The following NHSL1 variants were observed in gnomAD, a reference collection of about 807,000 sequenced individuals.
NHSL1 encodes the protein NHS like 1, also known as NHS-like protein 1.
In NHSL1, 48 loss-of-function variants were observed where a neutral mutation model predicts 95.0. The ratio of observed to expected loss-of-function variants is 0.51; its 90% CI spans 0.40 to 0.64. The LOEUF (loss-of-function observed/expected upper bound fraction) is 0.64. Ranked by LOEUF, NHSL1 falls within the 30% of genes least tolerant of loss-of-function variation. The pLI, the probability that NHSL1 is intolerant of heterozygous loss-of-function variation, is 0.00. For missense variants in NHSL1, 1,971 were observed against 2,077.7 expected, an observed-to-expected ratio of 0.95 and a Z score of 1.00; for synonymous variants, 783 against 833.9, an observed-to-expected ratio of 0.94 and a Z score of 1.05.
chr6:138,574,434 C>CT (rs539277371), upstream of NHSL1, among the ~76,000 whole-genome samples: 65 of 152,212 alleles, frequency 4.3e-4, no homozygotes, highest in East Asian at 7.1e-3. Context: ...ACGAGACCCC[C>CT]GCCACACATC....
chr6:138,576,239 G>A (rs1001980024), upstream of NHSL1, among the ~76,000 whole-genome samples: 2 of 151,946 alleles, frequency 1.3e-5, no homozygotes, highest in Non-Finnish European at 2.9e-5. Context: ...TGATCTGCCC[G>A]CCTCAGCCTC....
chr6:138,501,461 C>T (rs762987906), upstream of NHSL1, among the ~76,000 whole-genome samples: 37 of 152,098 alleles, frequency 2.4e-4, no homozygotes, highest in Admixed American at 1.4e-3. Context: ...GCTGCAGCAT[C>T]GTAGGAGTCA....
upstream of NHSL1, among the ~76,000 whole-genome samples, chr6:138,499,747 C>T (rs1583310361): frequency 6.6e-6 from 1 of 152,280 alleles, no homozygotes; most frequent in Admixed American, 6.5e-5. Flanking sequence ...TCATTAGGCC[C>T]CTATGAACAC....
At chr6:138,615,921 C>T (rs574524819) in intron 1 of NHSL1, among the ~76,000 whole-genome samples, 63 of 152,302 alleles carry the variant, frequency 4.1e-4, no homozygotes, top group African/African-American at 1.5e-3. Flanking sequence ...ACTCCCCAGG[C>T]GCTTATGTCT....
intron 1 of NHSL1, among the ~76,000 whole-genome samples, chr6:138,638,246 G>A (rs1480275508): frequency 6.6e-6 from 1 of 152,068 alleles, no homozygotes; most frequent in African/African-American, 2.4e-5. Context: ...TGGTTAATAG[G>A]TATAAAAAAA....
intron 4 of NHSL1, among the ~76,000 whole-genome samples, chr6:138,446,068 C>G (rs1467144688): frequency 5.5e-5 from 8 of 146,342 alleles, no homozygotes; most frequent in Non-Finnish European, 9.0e-5. Flanking sequence ...AAGTTTTGCT[C>G]CTTTTTGCCC....
Position 138,431,524 on chromosome 6 carries a change from G to A in NHSL1, c.2821C>T (p.Pro941Ser). The A allele has an allele frequency of 6.4e-7, 1 of 1,551,056 alleles. No individual in the cohort carries two copies. The highest frequency in any genetic ancestry group is 8.7e-7 in the Non-Finnish European group (1 of 1,146,654). Reference sequence around the variant, plus strand: ...AAAGGAGACCTGTCTGCAGGACAAGGGAATGGAGGAGAGGGAACAGGAGGA... The same window carrying A: ...AAAGGAGACCTGTCTGCAGGACAAGAGAATGGAGGAGAGGGAACAGGAGGA... ...PPPPVPSPPF[P>S]CPADRSPFLP... Residue 941 changes from proline to serine, a missense_variant, in exon 6 of 8, where the codon CCT (proline) becomes TCT (serine). Physicochemically the swap from Pro to Ser is moderately conservative, Grantham distance 74. This residue lies in a region of NHSL1 where 1,602 missense variants were observed against 1,654.5 expected (regional missense o/e 0.97). Transcript: ENST00000343505. The surrounding 1 kb of genome is among the most constrained non-coding windows in gnomAD (Gnocchi z 4.0).
chr6:138,544,122 T>A (rs1344777338), intron 1 of NHSL1, among the ~76,000 whole-genome samples: 1 of 152,192 alleles, frequency 6.6e-6, no homozygotes. Context: ...CGTATTCAAT[T>A]AAAAATTGTA....
At chr6:138,462,848 CAGA>C (rs529521891) in intron 3 of NHSL1, among the ~76,000 whole-genome samples, 1 of 152,128 alleles carries the variant, frequency 6.6e-6, no homozygotes, top group South Asian at 2.1e-4. Flanking sequence ...AGGAAAGTGG[CAGA>C]AGAAGAAAGG....
chr6:138,683,700 C>T (rs1443863917), intron 1 of NHSL1, among the ~76,000 whole-genome samples: 1 of 152,174 alleles, frequency 6.6e-6, no homozygotes, highest in African/African-American at 2.4e-5. Context: ...GATGTTTGGG[C>T]GGACTAATCC....
At chr6:138,649,764 T>C (rs1057379405) in intron 1 of NHSL1, among the ~76,000 whole-genome samples, 1 of 152,166 alleles carries the variant, frequency 6.6e-6, no homozygotes, top group Admixed American at 6.5e-5. Flanking sequence ...GACATGATGG[T>C]GGCCGTGTGC....
intron 1 of NHSL1, among the ~76,000 whole-genome samples, chr6:138,613,198 C>T (rs1784536873): frequency 6.6e-6 from 1 of 152,162 alleles, no homozygotes; most frequent in South Asian, 2.1e-4. Flanking sequence ...ATTAGTGAAC[C>T]AGCCTATAAC....
In NHSL1 at chr6:138,431,674, AGGAC is replaced by A; in HGVS notation, c.2667_2670del (p.Lys889AsnfsTer3). 6.4e-7 allele frequency: 1 copy of A among 1,551,710 alleles called. No individual in the cohort carries two copies. Among genetic ancestry groups the A allele is most frequent in the Non-Finnish European group, 8.7e-7 (1 of 1,146,976 alleles). On this transcript the variant is annotated frameshift_variant, in exon 6 of 8. Coordinates refer to ENST00000343505, the MANE Select transcript of NHSL1 (RefSeq NM_001144060.2). LOFTEE classifies it high-confidence loss of function. This position sits in a 1 kb window ranked among gnomAD's most constrained non-coding sequence, Gnocchi z 4.0. ...GAAATGGATACTGAAGATATCAGAG[AGGAC>A]TTCCTTTCTGGTACCTTGGGCTTGG...
chr6:138,557,657 C>T (rs889097031), intron 1 of NHSL1, among the ~76,000 whole-genome samples: 4 of 152,230 alleles, frequency 2.6e-5, no homozygotes, highest in East Asian at 3.8e-4. Context: ...GGCATTAAAA[C>T]GAGGTTAAAT....
chr6:138,561,350 C>G (rs762101528), intron 1 of NHSL1, among the ~76,000 whole-genome samples: 4 of 152,142 alleles, frequency 2.6e-5, no homozygotes, highest in Non-Finnish European at 5.9e-5. Flanking sequence ...GAGTGATGAT[C>G]TCTTCTTTCC....
At chr6:138,608,748 C>T (rs1197861697) in intron 1 of NHSL1, among the ~76,000 whole-genome samples, 5 of 152,184 alleles carry the variant, frequency 3.3e-5, no homozygotes, top group Non-Finnish European at 7.3e-5. Context: ...ACTGCCACTA[C>T]AAACAAAGCT....
At chr6:138,625,635 T>A in intron 1 of NHSL1, among the ~76,000 whole-genome samples, 1 of 127,702 alleles carries the variant, frequency 7.8e-6, no homozygotes, top group South Asian at 2.7e-4. Context: ...TTTGTGCTTT[T>A]TTAATTAAAA....
intron 1 of NHSL1, among the ~76,000 whole-genome samples, chr6:138,506,824 T>A (rs1780986023): frequency 6.6e-6 from 1 of 152,206 alleles, no homozygotes; most frequent in Non-Finnish European, 1.5e-5. Flanking sequence ...TTTATAATGT[T>A]AAAAATCACT....
intron 1 of NHSL1, among the ~76,000 whole-genome samples, chr6:138,553,399 A>G (rs748969200): frequency 6.6e-6 from 1 of 152,284 alleles, no homozygotes; most frequent in African/African-American, 2.4e-5. Flanking sequence ...ACCATGTCCC[A>G]TGGCACTTCA....
Sources: gnomAD v4.1 joint callset for allele counts (sites outside exome capture counted in the v4.1 genomes callset) on GRCh38, gnomAD v4.1.1 for gene constraint, gnomAD v4.1.1 regional missense constraint, Gnocchi (gnomAD v3.1) non-coding constraint, MANE v1.5 for transcripts, NCBI Gene and HGNC (gene_info 2026-07-23, HGNC 2026-07-21) for gene names.